RHOBTB2: variants seen among roughly 807,000 people sequenced by gnomAD.
RHOBTB2 encodes Rho related BTB domain containing 2, also known as rho-related BTB domain-containing protein 2.
In RHOBTB2, 39 loss-of-function variants were observed where a neutral mutation model predicts 66.5. The ratio of observed to expected loss-of-function variants is 0.59; its 90% CI spans 0.45 to 0.77. The LOEUF is 0.77. Ranked by LOEUF, RHOBTB2 falls within the 30% of genes least tolerant of loss-of-function variation. The probability of loss-of-function intolerance (pLI) is 0.00; values close to 1 mark genes in which losing one functional copy is unlikely to be tolerated. For missense variants in RHOBTB2, 755 were observed against 999.1 expected (o/e 0.76, Z 3.29); for synonymous variants, 390 against 395.0 (o/e 0.99, Z 0.15).
intron 7 of RHOBTB2, among the ~76,000 whole-genome samples, chr8:23,011,687 C>T (rs760461192): frequency 1.3e-4 from 20 of 152,170 alleles, no homozygotes; most frequent in Non-Finnish European, 2.5e-4. Flanking sequence ...CCCAGGCAGG[C>T]AGACGGCTCT....
chr8:22,965,316 T>C, the RHOBTB2 span, among the ~76,000 whole-genome samples: 330 of 152,320 alleles, frequency 2.2e-3, 2 homozygotes, highest in African/African-American at 7.6e-3. Flanking sequence ...CTTTTGTTCA[T>C]AGATTGGAAG....
the RHOBTB2 span, among the ~76,000 whole-genome samples, chr8:22,969,567 G>C: frequency 1.3e-5 from 2 of 152,038 alleles, no homozygotes; most frequent in African/African-American, 2.4e-5. Context: ...GCAAAACGAA[G>C]CCAGGTACAT....
In RHOBTB2 at chr8:23,016,975, G is replaced by A. The variant is rs147103989; in HGVS notation, c.1967-277G>A. Among the ~76,000 whole-genome samples, 73 of 152,074 alleles carry A rather than the reference G, an allele frequency of 4.8e-4. 2 individuals are homozygous for A. The East Asian group carries it at 0.013, about 27-fold the overall frequency. ...GCTTACCCCTTCTCCCTTATCCTTC[G>A]CCTCTGTTTCATTCCCAACGCACAG... On this transcript the variant is annotated intron_variant, in intron 9 of 9. Coordinates refer to ENST00000251822, the MANE Select transcript of RHOBTB2 (RefSeq NM_015178.3).
chr8:22,968,744 G>A, the RHOBTB2 span, among the ~76,000 whole-genome samples: 1 of 151,536 alleles, frequency 6.6e-6, no homozygotes, highest in Non-Finnish European at 1.5e-5. Context: ...TGGTAAGAGT[G>A]TGATTTAATT....
intron 7 of RHOBTB2, among the ~76,000 whole-genome samples, chr8:23,011,000 C>T (rs1285589834): frequency 2.0e-5 from 3 of 152,138 alleles, no homozygotes; most frequent in Non-Finnish European, 4.4e-5. Flanking sequence ...GAGGCCAAGG[C>T]GGGAGGATCA....
chr8:23,002,113 G>T (rs1255894381), intron 1 of RHOBTB2, among the ~76,000 whole-genome samples: 1 of 152,174 alleles, frequency 6.6e-6, no homozygotes, highest in South Asian at 2.1e-4. Flanking sequence ...TCATTCCCCC[G>T]CTTCTGTCTA....
At chr8:22,973,266 T>C in the RHOBTB2 span, among the ~76,000 whole-genome samples, 1 of 152,148 alleles carries the variant, frequency 6.6e-6, no homozygotes. Flanking sequence ...TCTCACTCCC[T>C]TGCCCAAGCT....
At chr8:23,001,016 T>C (rs1327559911) in intron 1 of RHOBTB2, among the ~76,000 whole-genome samples, 1 of 151,362 alleles carries the variant, frequency 6.6e-6, no homozygotes, top group Admixed American at 6.6e-5. Flanking sequence ...GGGGTGGGAC[T>C]GGGAGAGCAC....
upstream of RHOBTB2, among the ~76,000 whole-genome samples, chr8:22,982,811 C>T (rs1195650662): frequency 2.0e-5 from 3 of 152,196 alleles, no homozygotes; most frequent in Non-Finnish European, 4.4e-5. Context: ...CTCACAGTTC[C>T]AAAGGCTGGA....
chr8:22,975,645 C>T, the RHOBTB2 span, among the ~76,000 whole-genome samples: 1 of 152,186 alleles, frequency 6.6e-6, no homozygotes, highest in Non-Finnish European at 1.5e-5. Flanking sequence ...AGGTACACAG[C>T]CCCCAGGTAA....
At chr8:23,011,791 C>T (rs1430421841) in intron 7 of RHOBTB2, among the ~76,000 whole-genome samples, 2 of 152,088 alleles carry the variant, frequency 1.3e-5, no homozygotes, top group African/African-American at 2.4e-5. Context: ...TTGCATAGGT[C>T]GGGGACAGAG....
chr8:23,006,778 C>T lies in RHOBTB2; in HGVS notation c.533C>T (p.Ala178Val). 1 of 1,614,048 alleles carries T rather than the reference C, an allele frequency of 6.2e-7. No individual in the cohort carries two copies. Among genetic ancestry groups the T allele is most frequent in the Non-Finnish European group, 8.5e-7 (1 of 1,179,994 alleles). ...ILPPEKGREV[A>V]KELGIPYYET... ...CCCCCAGAGAAGGGTCGGGAGGTGGCCAAGGAGCTGGGCATCCCCTACTAT... is the reference window on the plus strand; with the variant it reads ...CCCCCAGAGAAGGGTCGGGAGGTGGTCAAGGAGCTGGGCATCCCCTACTAT... The change falls in exon 5 of 10, where the codon GCC becomes GTC. Residue 178 changes from alanine to valine, a missense_variant. By Grantham distance (64) the Ala-to-Val change is moderately conservative. Transcript: ENST00000251822. This position sits in a 1 kb window ranked among gnomAD's most constrained non-coding sequence, Gnocchi z 6.1.
chr8:22,975,091 C>T, the RHOBTB2 span, among the ~76,000 whole-genome samples: 26,079 of 152,088 alleles, frequency 0.17, 2,624 homozygotes, highest in Middle Eastern at 0.24. Flanking sequence ...GAGGCGCCTC[C>T]TCTCTCCCAA....
At position 23,017,721 on chromosome 8, in the gene RHOBTB2, A is replaced by G; in HGVS notation, c.*252A>G. On this transcript the variant is annotated 3_prime_UTR_variant, in exon 10 of 10. Coordinates refer to ENST00000251822, the MANE Select transcript of RHOBTB2 (RefSeq NM_015178.3). This position sits in a 1 kb window ranked among gnomAD's most constrained non-coding sequence, Gnocchi z 5.3. ...CGGGAGACAACTGCTTGGAGGAGCGAAGAGCCCTGGCATTTTATCTCTGGG... is the reference window on the plus strand; with the variant it reads ...CGGGAGACAACTGCTTGGAGGAGCGGAGAGCCCTGGCATTTTATCTCTGGG... 1.8e-6 allele frequency: 1 copy of G among 545,306 alleles called. No individual in the cohort carries two copies. The highest frequency in any genetic ancestry group is 3.2e-6 in the Non-Finnish European group (1 of 308,010). The allele number at this position is 545,306 out of a possible 1,614,324, so 33.8% of individuals were successfully genotyped here. A position where few individuals can be genotyped will look rare whatever the true frequency, so the allele number is the denominator to read the frequency against.
chr8:23,010,805 C>G lies in RHOBTB2; in HGVS notation c.1771+117C>G. 2.7e-6 allele frequency: 3 copies of G among 1,128,668 alleles called. No individual in the cohort carries two copies. In the South Asian group the frequency reaches 4.4e-5, roughly 17 times the overall value. The allele number at this position is 1,128,668 out of a possible 1,614,324, so 69.9% of individuals were successfully genotyped here. On this transcript the variant is annotated intron_variant, in intron 7 of 9. Transcript: ENST00000251822. ...ACAAGCTGATGTCCAAGGGACTAAGCGTACATGAAATGGAATCTGTTGACG... is the reference window on the plus strand; with the variant it reads ...ACAAGCTGATGTCCAAGGGACTAAGGGTACATGAAATGGAATCTGTTGACG...
chr8:22,986,856 A>G (rs1229140512), upstream of RHOBTB2, among the ~76,000 whole-genome samples: 2 of 152,208 alleles, frequency 1.3e-5, no homozygotes, highest in African/African-American at 4.8e-5. Context: ...CCGGCTGGCC[A>G]GCCCCGGATG....
rs549304612 is a variant in RHOBTB2 at position 23,010,175 on chromosome 8, C to T, written c.1621-363C>T. The stretch of plus-strand genomic sequence containing the variant: ...CCTTTGGAAGAGTTTAGAAGCTGGA[C>T]GCCATGGCTTGTGCCTATAGTCCCA... On this transcript the variant is annotated intron_variant, in intron 6 of 9. Transcript: ENST00000251822. 2.6e-5 allele frequency among the ~76,000 whole-genome samples: 4 copies of T among 152,212 alleles called. No homozygotes were observed. In the South Asian group the frequency reaches 6.2e-4, roughly 24 times the overall value.
chr8:23,007,824 T>A, intron 5 of RHOBTB2, 78 bp downstream of exon 5: 2 of 1,538,518 alleles, frequency 1.3e-6, no homozygotes, highest in Non-Finnish European at 1.8e-6. Flanking sequence ...GCTCCTGGTG[T>A]CCTGGAGCTG....
the RHOBTB2 span, among the ~76,000 whole-genome samples, chr8:22,960,421 C>T: frequency 2.0e-5 from 3 of 151,012 alleles, no homozygotes; most frequent in South Asian, 2.1e-4. Flanking sequence ...TGGGTTCAAG[C>T]GATTCTCCTG....
Sources: gnomAD v4.1 joint callset for allele counts (sites outside exome capture counted in the v4.1 genomes callset) on GRCh38, gnomAD v4.1.1 for gene constraint, Gnocchi (gnomAD v3.1) non-coding constraint, MANE v1.5 for transcripts, NCBI Gene and HGNC (gene_info 2026-07-23, HGNC 2026-07-21) for gene names.